The following ACO2 variants were observed in gnomAD, a reference collection of about 807,000 sequenced individuals.
The protein encoded by ACO2 is aconitase 2, also known as aconitate hydratase, mitochondrial.
A neutral mutation model predicts 84.5 loss-of-function variants in ACO2; 31 were observed. The ratio of observed to expected loss-of-function variants is 0.37; its 90% CI spans 0.28 to 0.50. The LOEUF (loss-of-function observed/expected upper bound fraction) is 0.50. Among genes scored for constraint, ACO2 ranks in the 20% least tolerant of loss-of-function variants. The pLI, the probability that ACO2 is intolerant of heterozygous loss-of-function variation, is 0.97. For synonymous variants in ACO2, 414 were observed against 412.7 expected (o/e 1.00, Z -0.04); for missense variants, 685 against 1,029.3 (o/e 0.67, Z 4.58).
chr22:41,476,703 C>CT (rs2038018470), intron 1 of ACO2, among the ~76,000 whole-genome samples: 1 of 152,062 alleles, frequency 6.6e-6, no homozygotes, highest in African/African-American at 2.4e-5. Flanking sequence ...GAGCGAGACT[C>CT]TGTCTCAAAA....
chr22:41,503,758 C>T (rs1180413262), intron 2 of ACO2, among the ~76,000 whole-genome samples: 2 of 152,154 alleles, frequency 1.3e-5, no homozygotes, highest in Non-Finnish European at 2.9e-5. Flanking sequence ...GGGGTTGGGG[C>T]TTACTGTTAC....
chr22:41,470,649 C>T (rs996507538), intron 1 of ACO2, among the ~76,000 whole-genome samples: 1 of 149,016 alleles, frequency 6.7e-6, no homozygotes, highest in Non-Finnish European at 1.5e-5. Context: ...TCAAGTGACT[C>T]TCCTGCCCTC....
intron 1 of ACO2, among the ~76,000 whole-genome samples, chr22:41,494,172 G>A (rs1263006206): frequency 2.6e-5 from 4 of 152,198 alleles, no homozygotes; most frequent in Non-Finnish European, 5.9e-5. Context: ...GTTTAACACT[G>A]TGAAGTGTAT....
At chr22:41,488,006 G>T (rs2066243344) in intron 1 of ACO2, among the ~76,000 whole-genome samples, 1 of 152,116 alleles carries the variant, frequency 6.6e-6, no homozygotes, top group East Asian at 1.9e-4. Context: ...TTTTGAACTT[G>T]AACTCAAACA....
intron 9 of ACO2, 43 bp downstream of exon 9, chr22:41,520,319 A>G (rs984980128): frequency 6.6e-7 from 1 of 1,525,628 alleles, no homozygotes. Context: ...TCTCAGGGCC[A>G]GTGGCTCTGC....
chr22:41,474,007 A>G (rs932932837), intron 1 of ACO2, among the ~76,000 whole-genome samples: 1 of 152,154 alleles, frequency 6.6e-6, no homozygotes, highest in Non-Finnish European at 1.5e-5. Flanking sequence ...TGATCTGATC[A>G]TCTGGGCTGC....
At chr22:41,526,666 C>A in intron 15 of ACO2, 1 of 518,664 alleles carries the variant, frequency 1.9e-6, no homozygotes, top group Non-Finnish European at 3.4e-6. Context: ...GTCCCTGCAC[C>A]AGGAGGAGTT....
intron 2 of ACO2, among the ~76,000 whole-genome samples, chr22:41,504,706 A>AG (rs199984678): frequency 1.5e-5 from 1 of 67,184 alleles, no homozygotes; most frequent in Non-Finnish European, 2.4e-5. Flanking sequence ...CCAGCACCTT[A>AG]GGGACTTTTT....
chr22:41,525,186 G>A lies in ACO2; in HGVS notation c.1606-7G>A. 1.2e-6 allele frequency: 2 copies of A among 1,613,266 alleles called. No homozygotes were observed. Among genetic ancestry groups the A allele is most frequent in the Non-Finnish European group, 1.7e-6 (2 of 1,179,346 alleles). ...AGCACCCCACGCATCCCCATTCCCT[G>A]CTGCAGGAGTTTGACCCAGGGCAGG... On this transcript the variant is annotated splice_polypyrimidine_tract_variant and splice_region_variant and intron_variant, in intron 13 of 17. Coordinates refer to ENST00000216254, the MANE Select transcript of ACO2 (RefSeq NM_001098.3).
At chr22:41,519,680 C>T (rs544185529) in intron 8 of ACO2, among the ~76,000 whole-genome samples, 22 of 152,030 alleles carry the variant, frequency 1.4e-4, no homozygotes, top group East Asian at 5.8e-4. Flanking sequence ...TGGTGGCGGG[C>T]GCCTGTAGTC....
intron 1 of ACO2, among the ~76,000 whole-genome samples, chr22:41,490,250 C>T (rs141957962): frequency 1.1e-4 from 17 of 152,146 alleles, no homozygotes; most frequent in Admixed American, 1.3e-4. Context: ...CGCTTAAACC[C>T]GGGAGGCGGA....
chr22:41,492,688 G>A (rs1280088299), intron 1 of ACO2, among the ~76,000 whole-genome samples: 2 of 152,046 alleles, frequency 1.3e-5, no homozygotes, highest in Non-Finnish European at 1.5e-5. Context: ...CAGGAGACTC[G>A]CTTGAACCTG....
chr22:41,510,436 C>T (rs1244724926), intron 3 of ACO2, among the ~76,000 whole-genome samples: 1 of 152,226 alleles, frequency 6.6e-6, no homozygotes, highest in Non-Finnish European at 1.5e-5. Flanking sequence ...TCTGGAAACC[C>T]ACGTTCTTTG....
chr22:41,484,276 G>A (rs2038124026), intron 1 of ACO2, among the ~76,000 whole-genome samples: 1 of 152,192 alleles, frequency 6.6e-6, no homozygotes, highest in African/African-American at 2.4e-5. Flanking sequence ...CACCTGTTCA[G>A]TGTGGGTACA....
chr22:41,526,824 C>G (rs1474737429), intron 15 of ACO2: 3 of 299,506 alleles, frequency 1.0e-5, no homozygotes, highest in Non-Finnish European at 1.3e-5. Context: ...TGGACTTTTT[C>G]TGCTTTGAGA....
At position 41,520,165 on chromosome 22, in the gene ACO2, C is replaced by T. The variant is rs1195721219; in HGVS notation, c.1033-6C>T. 1.2e-6 allele frequency: 2 copies of T among 1,610,278 alleles called. No homozygotes were observed. The highest frequency in any genetic ancestry group is 8.5e-7 in the Non-Finnish European group (1 of 1,177,112). On this transcript the variant is annotated splice_polypyrimidine_tract_variant and splice_region_variant and intron_variant, in intron 8 of 17. Transcript: ENST00000216254. ...CTTTCTTCTCCTTGCATGTTTGTTT[C>T]TTCAGCTGAAGCCACACATCAATGG... is the stretch of plus-strand genomic sequence containing the variant.
At position 41,470,528 on chromosome 22, in the gene ACO2, C is replaced by CTTTTTTTTT. The variant is rs71184811; in HGVS notation, c.36+1372_36+1380dup. On this transcript the variant is annotated intron_variant, in intron 1 of 17. Transcript: ENST00000216254. ...TTTGCACCTAATTATCTCTTTACAT[C>CTTTTTTTTT]TTTTTTTTTTTTTTTTTTTTTTTTT... Among the ~76,000 whole-genome samples the CTTTTTTTTT allele has an allele frequency of 2.0e-4, 19 of 95,858 alleles. 1 individual carries two copies. The highest frequency in any genetic ancestry group is 3.1e-4 in the Non-Finnish European group (15 of 47,804). 62.9% of individuals were successfully genotyped at this position (95,858 alleles called of 152,430 possible).
chr22:41,518,168 G>A (rs1376253366), intron 7 of ACO2, among the ~76,000 whole-genome samples: 3 of 152,220 alleles, frequency 2.0e-5, no homozygotes, highest in Non-Finnish European at 4.4e-5. Flanking sequence ...TAAGCACGTG[G>A]AATCCTTGGA....
At chr22:41,520,021 A>G (rs983034933) in intron 8 of ACO2, 150 bp from the exon 9 acceptor site, 5 of 651,316 alleles carry the variant, frequency 7.7e-6, no homozygotes, top group Middle Eastern at 4.4e-4. Context: ...TGCAGAGCCA[A>G]CTGCTCAGTT....
Sources: allele counts gnomAD v4.1 joint callset (sites outside exome capture counted in the v4.1 genomes callset), GRCh38; gene constraint gnomAD v4.1.1; transcripts MANE v1.5; gene names NCBI Gene and HGNC (gene_info 2026-07-23, HGNC 2026-07-21).